EBF1: variants seen among roughly 807,000 people sequenced by gnomAD.
EBF1 encodes EBF transcription factor 1, also known as transcription factor COE1.
Under a neutral mutation model 68.4 loss-of-function variants are expected in EBF1, and 10 were observed. The ratio of observed to expected loss-of-function variants is 0.15; its 90% CI spans 0.09 to 0.25. EBF1 has a LOEUF of 0.25. EBF1 is among the 10% of genes least tolerant of loss of function. The pLI is 1.00. For missense variants in EBF1, 509 were observed against 794.4 expected (o/e 0.64, Z 4.32); for synonymous variants, 298 against 299.8 (o/e 0.99, Z 0.06).
intron 4 of EBF1, among the ~76,000 whole-genome samples, chr5:159,087,607 A>G (rs1209475713): frequency 1.3e-5 from 2 of 152,072 alleles, no homozygotes; most frequent in Non-Finnish European, 2.9e-5. Flanking sequence ...CATTGAAATT[A>G]GTGGGCCCAT....
At chr5:158,724,391 C>T (rs929933110) in intron 11 of EBF1, among the ~76,000 whole-genome samples, 3 of 152,064 alleles carry the variant, frequency 2.0e-5, no homozygotes, top group Admixed American at 6.5e-5. Context: ...GATGTTAAGT[C>T]GTTCTTCATC....
chr5:159,082,144 T>TC (rs1356123543), intron 5 of EBF1, among the ~76,000 whole-genome samples: 2 of 152,108 alleles, frequency 1.3e-5, no homozygotes, highest in Non-Finnish European at 2.9e-5. Context: ...TCTTTTTTTT[T>TC]CCCCCTTTGC....
chr5:158,907,596 T>G (rs1451759509), intron 6 of EBF1, among the ~76,000 whole-genome samples: 1 of 152,204 alleles, frequency 6.6e-6, no homozygotes, highest in Non-Finnish European at 1.5e-5. Flanking sequence ...CCTATTCTCA[T>G]GGGTGTCCTG....
At chr5:158,783,050 T>G (rs1391031816) in intron 9 of EBF1, among the ~76,000 whole-genome samples, 1 of 152,144 alleles carries the variant, frequency 6.6e-6, no homozygotes, top group Non-Finnish European at 1.5e-5. Flanking sequence ...TAAAAATTAA[T>G]ACTTAAAAAG....
chr5:158,705,105 C>G (rs547111743), intron 15 of EBF1, among the ~76,000 whole-genome samples: 2 of 152,182 alleles, frequency 1.3e-5, no homozygotes, highest in Non-Finnish European at 2.9e-5. Flanking sequence ...CCTCAGTCAT[C>G]CTAGTAGCTA....
At chr5:158,866,905 A>T (rs1796027473) in intron 6 of EBF1, among the ~76,000 whole-genome samples, 1 of 135,604 alleles carries the variant, frequency 7.4e-6, no homozygotes, top group Non-Finnish European at 1.6e-5. Context: ...AAAGCCACAT[A>T]GTGCATATGT....
At chr5:158,748,416 A>C (rs1404578853) in intron 10 of EBF1, among the ~76,000 whole-genome samples, 1 of 152,232 alleles carries the variant, frequency 6.6e-6, no homozygotes, top group East Asian at 1.9e-4. Context: ...TTAACTGCTC[A>C]TAACCCAGAA....
At chr5:158,777,342 C>G in intron 10 of EBF1, 71 bp downstream of exon 10, 1 of 1,424,928 alleles carries the variant, frequency 7.0e-7, no homozygotes, top group Non-Finnish European at 9.3e-7. Context: ...TGCTTTTATA[C>G]AGACAAGATA....
At chr5:158,942,938 A>C (rs1813766566) in intron 6 of EBF1, among the ~76,000 whole-genome samples, 1 of 40,042 alleles carries the variant, frequency 2.5e-5, no homozygotes, top group Non-Finnish European at 7.0e-5. Flanking sequence ...AGAGGAGAGA[A>C]AGAGAAAAGA....
At chr5:158,730,787 C>T (rs559101192) in intron 11 of EBF1, among the ~76,000 whole-genome samples, 3 of 152,312 alleles carry the variant, frequency 2.0e-5, no homozygotes, top group East Asian at 3.9e-4. Flanking sequence ...ATTATTTAAT[C>T]TCTCCTTGCT....
intron 8 of EBF1, among the ~76,000 whole-genome samples, chr5:158,802,523 T>C (rs1005532517): frequency 6.6e-6 from 1 of 152,160 alleles, no homozygotes; most frequent in African/African-American, 2.4e-5. Context: ...TTAGTGAGCA[T>C]TTCTACAAAG....
intron 8 of EBF1, among the ~76,000 whole-genome samples, chr5:158,809,435 A>G (rs868677476): frequency 6.6e-6 from 1 of 152,186 alleles, no homozygotes; most frequent in Non-Finnish European, 1.5e-5. Flanking sequence ...ATTCACTTCA[A>G]TCATACAAAT....
chr5:158,700,557 T>G (rs975390296), intron 15 of EBF1, among the ~76,000 whole-genome samples: 1 of 149,798 alleles, frequency 6.7e-6, no homozygotes, highest in Non-Finnish European at 1.5e-5. Context: ...ATCCTGCAAG[T>G]GGACACAGGG....
At chr5:158,849,260 C>T (rs1250792362) in intron 6 of EBF1, among the ~76,000 whole-genome samples, 1 of 152,138 alleles carries the variant, frequency 6.6e-6, no homozygotes, top group Non-Finnish European at 1.5e-5. Flanking sequence ...CCTAATAATG[C>T]CAATAATATG....
chr5:159,009,405 G>T (rs571080235), intron 6 of EBF1, among the ~76,000 whole-genome samples: 2 of 152,138 alleles, frequency 1.3e-5, no homozygotes, highest in Non-Finnish European at 2.9e-5. Context: ...AAAGAGCCTC[G>T]TTTAAGAAAT....
At chr5:158,814,930 A>T (rs758494709) in intron 8 of EBF1, among the ~76,000 whole-genome samples, 1 of 152,238 alleles carries the variant, frequency 6.6e-6, no homozygotes, top group Non-Finnish European at 1.5e-5. Flanking sequence ...CTATAAAGTA[A>T]ATATACATGA....
chr5:159,025,377 T>TG (rs1309171927), intron 6 of EBF1, among the ~76,000 whole-genome samples: 9 of 152,216 alleles, frequency 5.9e-5, no homozygotes, highest in African/African-American at 2.2e-4. Context: ...GCATGTAAGA[T>TG]GCCCAAGGAA....
chr5:158,880,212 A>C (rs1160977988), intron 6 of EBF1, among the ~76,000 whole-genome samples: 1 of 152,126 alleles, frequency 6.6e-6, no homozygotes, highest in Non-Finnish European at 1.5e-5. Context: ...CAAGTTTCCC[A>C]CACTCAGCCC....
intron 6 of EBF1, among the ~76,000 whole-genome samples, chr5:159,053,034 A>G (rs1160868082): frequency 1.3e-5 from 2 of 152,246 alleles, no homozygotes; most frequent in Non-Finnish European, 2.9e-5. Context: ...TTACGCCAGC[A>G]AAGGATGGAA....
Sources: gnomAD v4.1 joint callset for allele counts (sites outside exome capture counted in the v4.1 genomes callset) on GRCh38, gnomAD v4.1.1 for gene constraint, MANE v1.5 for transcripts, NCBI Gene and HGNC (gene_info 2026-07-23, HGNC 2026-07-21) for gene names.